The following DCLK1 variants were observed in gnomAD, a reference collection of about 807,000 sequenced individuals.
DCLK1 encodes serine/threonine-protein kinase DCLK1.
Under a neutral mutation model 86.2 loss-of-function variants are expected in DCLK1, and 16 were observed. That is an observed-to-expected ratio of 0.19 (90% confidence interval 0.13 to 0.28). DCLK1 has a LOEUF of 0.28. Among genes scored for constraint, DCLK1 ranks in the 10% least tolerant of loss-of-function variants. The pLI, the probability that DCLK1 is intolerant of heterozygous loss-of-function variation, is 1.00. For synonymous variants in DCLK1, 369 were observed against 370.5 expected (o/e 1.00, Z 0.05); for missense variants, 590 against 940.2 (o/e 0.63, Z 4.87).
chr13:35,824,050 GGTGGGACAGTCACCGTGGTCTAT>G (rs1482459758), intron 10 of DCLK1, among the ~76,000 whole-genome samples: 1 of 152,196 alleles, frequency 6.6e-6, no homozygotes, highest in African/African-American at 2.4e-5. Flanking sequence ...CACTTGAGGA[GGTGGGACAGTCACCGTGGTCTAT>G]GTGAACAGCA....
chr13:35,946,388 A>G (rs888870658), intron 4 of DCLK1, among the ~76,000 whole-genome samples: 1 of 152,248 alleles, frequency 6.6e-6, no homozygotes, highest in Non-Finnish European at 1.5e-5. Context: ...TATAGATGCT[A>G]TGCATTAACA....
chr13:35,862,125 G>A (rs10162195), intron 5 of DCLK1, among the ~76,000 whole-genome samples: 4,880 of 151,744 alleles, frequency 0.032, 298 homozygotes, highest in African/African-American at 0.11. Flanking sequence ...TTGAGGCAGC[G>A]GGGAGGTACC....
At chr13:35,982,489 C>T (rs1342218808) in intron 3 of DCLK1, among the ~76,000 whole-genome samples, 9 of 136,078 alleles carry the variant, frequency 6.6e-5, no homozygotes, top group East Asian at 4.4e-4. Context: ...AAAGGGCAAC[C>T]GATTCAAGTG....
intron 3 of DCLK1, among the ~76,000 whole-genome samples, chr13:35,978,090 A>G (rs1448174922): frequency 6.6e-6 from 1 of 151,878 alleles, no homozygotes; most frequent in African/African-American, 2.4e-5. Context: ...AATTTCAAAT[A>G]TGTCACTGTG....
chr13:36,002,221 A>G (rs1466832918), intron 3 of DCLK1, among the ~76,000 whole-genome samples: 2 of 152,180 alleles, frequency 1.3e-5, no homozygotes, highest in Non-Finnish European at 2.9e-5. Flanking sequence ...GAGGTGACAA[A>G]CATTTCCAAA....
chr13:35,924,848 G>A (rs1338553662), intron 4 of DCLK1, among the ~76,000 whole-genome samples: 1 of 152,158 alleles, frequency 6.6e-6, no homozygotes, highest in African/African-American at 2.4e-5. Flanking sequence ...CCCATTGCCT[G>A]TTCTTATGAA....
rs2086381540 is a variant in DCLK1 at position 35,774,212 on chromosome 13, G to A, written c.*323C>T. The A allele has an allele frequency of 4.6e-6, 1 of 216,316 alleles. No homozygotes were observed. The highest frequency in any genetic ancestry group is 5.1e-5 in the Admixed American group (1 of 19,474). The allele number at this position is 216,316 out of a possible 1,614,324, so 13.4% of individuals were successfully genotyped here. ...CAATAAAATTCTATGCACTCAGAGG[G>A]TTAACAAGTGCTATATTACATACTG... On this transcript the variant is annotated 3_prime_UTR_variant, in exon 17 of 17. Coordinates refer to ENST00000360631, the MANE Select transcript of DCLK1 (RefSeq NM_001330071.2).
chr13:35,928,874 C>A (rs1210289229), intron 4 of DCLK1, among the ~76,000 whole-genome samples: 1 of 152,122 alleles, frequency 6.6e-6, no homozygotes, highest in Non-Finnish European at 1.5e-5. Context: ...ATTTGGGAAC[C>A]CCATAGCATA....
intron 10 of DCLK1, 146 bp downstream of exon 10, chr13:35,827,489 T>C (rs111590672): frequency 1.8e-5 from 18 of 982,244 alleles, no homozygotes; most frequent in African/African-American, 3.3e-5. Flanking sequence ...TTGTGTACCA[T>C]TCTCCTGTGA....
chr13:36,007,449 G>T (rs1284005085), intron 3 of DCLK1, among the ~76,000 whole-genome samples: 1 of 152,166 alleles, frequency 6.6e-6, no homozygotes, highest in Non-Finnish European at 1.5e-5. Flanking sequence ...AGTCCTCTCT[G>T]TTCCCAGCAA....
chr13:35,868,850 C>T (rs1465599589), intron 5 of DCLK1, among the ~76,000 whole-genome samples: 3 of 152,052 alleles, frequency 2.0e-5, no homozygotes, highest in Admixed American at 6.5e-5. Flanking sequence ...AGTGCAGTGG[C>T]GTGATTTCTG....
At position 35,854,593 on chromosome 13, in the gene DCLK1, A is replaced by C; in HGVS notation, c.941T>G (p.Val314Gly). The C allele has an allele frequency of 6.3e-7, 1 of 1,586,610 alleles. No homozygotes were observed. The highest frequency in any genetic ancestry group is 8.6e-7 in the Non-Finnish European group (1 of 1,165,158). Reference sequence around the variant, plus strand: ...GAGCTGACTACCAGGGGTTCCATTAACTAGAAATACAAAGAATCACACACA... The same window carrying C: ...GAGCTGACTACCAGGGGTTCCATTACCTAGAAATACAAAGAATCACACACA... ...RSKSPASTSS[V>G]NGTPGSQLST... Residue 314 changes from valine (V) to glycine (G), a missense_variant and splice_region_variant, in exon 6 of 17, where the codon GTT becomes GGT. This residue lies in a region of DCLK1 where 195 missense variants were observed against 365.1 expected (regional missense o/e 0.53). Transcript: ENST00000360631.
chr13:35,809,911 A>G (rs1375653642), intron 12 of DCLK1, among the ~76,000 whole-genome samples: 1 of 152,224 alleles, frequency 6.6e-6, no homozygotes, highest in Non-Finnish European at 1.5e-5. Flanking sequence ...CAAAACCTCG[A>G]AAAACTATCT....
chr13:35,848,778 T>C (rs1870395087), intron 6 of DCLK1: 1 of 985,222 alleles, frequency 1.0e-6, no homozygotes, highest in Non-Finnish European at 1.2e-6. Context: ...ACTGCTTTCT[T>C]TGTATTTTTG....
At chr13:36,015,971 C>T (rs898198208) in intron 3 of DCLK1, among the ~76,000 whole-genome samples, 2 of 152,176 alleles carry the variant, frequency 1.3e-5, no homozygotes, top group South Asian at 2.1e-4. Flanking sequence ...CAGCAAATCA[C>T]TCAGTGGCTA....
At chr13:35,884,887 A>T (rs1375682291) in intron 4 of DCLK1, among the ~76,000 whole-genome samples, 1 of 152,186 alleles carries the variant, frequency 6.6e-6, no homozygotes, top group Non-Finnish European at 1.5e-5. Context: ...AATAGGGTCC[A>T]TTCTTATTCC....
chr13:36,074,872 C>T (rs192835298), intron 3 of DCLK1, among the ~76,000 whole-genome samples: 3 of 152,292 alleles, frequency 2.0e-5, no homozygotes, highest in Admixed American at 2.0e-4. Flanking sequence ...CAACCAATGT[C>T]GACAACTGGG....
intron 4 of DCLK1, among the ~76,000 whole-genome samples, chr13:35,934,530 G>A (rs1302165102): frequency 1.3e-5 from 2 of 152,186 alleles, no homozygotes; most frequent in Non-Finnish European, 2.9e-5. Flanking sequence ...AGACGCAAAA[G>A]CAGAAACCCC....
intron 15 of DCLK1, among the ~76,000 whole-genome samples, chr13:35,797,938 G>A (rs1463538061): frequency 2.6e-5 from 4 of 152,094 alleles, no homozygotes; most frequent in Non-Finnish European, 2.9e-5. Context: ...AATGTGCTAC[G>A]AATTTTCTAA....
Sources: allele counts gnomAD v4.1 joint callset (sites outside exome capture counted in the v4.1 genomes callset), GRCh38; gene constraint gnomAD v4.1.1; regional missense constraint gnomAD v4.1.1; transcripts MANE v1.5; gene names NCBI Gene and HGNC (gene_info 2026-07-23, HGNC 2026-07-21).